Variants in PTPRQ observed in about 807,000 individuals in gnomAD.
The protein encoded by PTPRQ is protein tyrosine phosphatase receptor type Q, also known as phosphatidylinositol phosphatase PTPRQ.
A neutral mutation model predicts 246.0 loss-of-function variants in PTPRQ; 199 were observed. That is an observed-to-expected ratio of 0.81 (90% CI 0.72 to 0.91). The LOEUF is 0.91. Among genes scored for constraint, PTPRQ ranks in the 40% least tolerant of loss-of-function variants. The probability of loss-of-function intolerance (pLI) is 0.00; values close to 1 mark genes in which losing one functional copy is unlikely to be tolerated. For synonymous variants in PTPRQ, 869 were observed against 853.2 expected, an observed-to-expected ratio of 1.02 and a Z score of -0.32; for missense variants, 2,624 against 2,528.4, an observed-to-expected ratio of 1.04 and a Z score of -0.81.
intron 22 of PTPRQ, 114 bp downstream of exon 22, chr12:80,542,478 C>T (rs1252437377): frequency 4.3e-6 from 6 of 1,391,434 alleles, no homozygotes; most frequent in Non-Finnish European, 5.7e-6. Context: ...TTGTAACAGC[C>T]TTACCATTAT....
At chr12:80,522,776 T>G (rs192309597) in intron 17 of PTPRQ, among the ~76,000 whole-genome samples, 7 of 152,348 alleles carry the variant, frequency 4.6e-5, no homozygotes, top group African/African-American at 1.7e-4. Context: ...AGTATTTTAT[T>G]GAGGATTTTT....
chr12:80,600,545 G>A (rs1898108495), intron 26 of PTPRQ, among the ~76,000 whole-genome samples: 1 of 151,616 alleles, frequency 6.6e-6, no homozygotes, highest in South Asian at 2.1e-4. Flanking sequence ...TTTCTTAGCC[G>A]CAGAAAATTC....
intron 35 of PTPRQ, 135 bp downstream of exon 35, chr12:80,635,208 C>A: frequency 2.2e-6 from 3 of 1,335,430 alleles, no homozygotes; most frequent in Non-Finnish European, 2.0e-6. Flanking sequence ...AAAGAGTGAC[C>A]TCCGTCTTCT....
intron 24 of PTPRQ, among the ~76,000 whole-genome samples, chr12:80,547,876 A>T (rs1455502710): frequency 3.3e-5 from 5 of 152,138 alleles, no homozygotes; most frequent in Non-Finnish European, 7.4e-5. Context: ...TGTTGCCCCC[A>T]TTCCCATGTT....
intron 26 of PTPRQ, among the ~76,000 whole-genome samples, chr12:80,592,748 G>A (rs954920505): frequency 2.0e-5 from 3 of 152,126 alleles, no homozygotes; most frequent in Admixed American, 6.5e-5. Context: ...GGTGGCTCAT[G>A]CCTGTAATCC....
chr12:80,476,984 T>A (rs1474199483), intron 8 of PTPRQ, among the ~76,000 whole-genome samples: 1 of 152,166 alleles, frequency 6.6e-6, no homozygotes, highest in Non-Finnish European at 1.5e-5. Context: ...AATCACAAGT[T>A]GAACTGTAAA....
intron 29 of PTPRQ, among the ~76,000 whole-genome samples, chr12:80,614,551 A>G (rs1328696583): frequency 6.6e-6 from 1 of 150,950 alleles, no homozygotes; most frequent in Non-Finnish European, 1.5e-5. Context: ...TTGTATATGT[A>G]TATGTGTATA....
In PTPRQ at chr12:80,679,628, A is replaced by G. The variant is rs1901253803; in HGVS notation, c.*605A>G. The G allele has an allele frequency of 6.6e-6, 1 of 152,048 alleles. No individual in the cohort carries two copies. The highest frequency in any genetic ancestry group is 1.5e-5 in the Non-Finnish European group (1 of 67,978). The allele number at this position is 152,048 out of a possible 1,614,324, so 9.4% of individuals were successfully genotyped here. ...TAGCTCTTCAGGGACACTTAGGGCT[A>G]TTTAATTTGCATTGTGATCTTCAGT... On this transcript the variant is annotated 3_prime_UTR_variant, in exon 45 of 45. Coordinates refer to ENST00000644991, the MANE Select transcript of PTPRQ (RefSeq NM_001145026.2).
chr12:80,580,900 C>T (rs907069052), intron 25 of PTPRQ, among the ~76,000 whole-genome samples: 1 of 152,140 alleles, frequency 6.6e-6, no homozygotes, highest in African/African-American at 2.4e-5. Context: ...ATAACTCTTG[C>T]CTGGATTTAG....
In PTPRQ at chr12:80,550,358, T is replaced by C. The variant is rs79186187; in HGVS notation, c.4285+624T>C. Among the ~76,000 whole-genome samples the C allele has an allele frequency of 1.2e-4, 19 of 152,270 alleles. No homozygotes were observed. The East Asian group carries it at 3.5e-3, about 28-fold the overall frequency. On this transcript the variant is annotated intron_variant, in intron 25 of 44. Coordinates refer to ENST00000644991, the MANE Select transcript of PTPRQ (RefSeq NM_001145026.2). ...CCTGATAACACCACTTCACTGTAGA[T>C]ATTGGCAATAATTGTTAACTTCTGG...
intron 25 of PTPRQ, among the ~76,000 whole-genome samples, chr12:80,586,209 A>G (rs1265923044): frequency 6.6e-6 from 1 of 152,068 alleles, no homozygotes; most frequent in Non-Finnish European, 1.5e-5. Context: ...GAAAAAAACA[A>G]ACAACCCCAT....
chr12:80,454,833 T>C (rs965554857), intron 3 of PTPRQ, among the ~76,000 whole-genome samples: 5 of 152,190 alleles, frequency 3.3e-5, no homozygotes, highest in African/African-American at 1.2e-4. Flanking sequence ...ATTATTTAAT[T>C]CAAACTTAAT....
chr12:80,458,672 G>T (rs1210695794), intron 4 of PTPRQ, among the ~76,000 whole-genome samples: 2 of 151,612 alleles, frequency 1.3e-5, no homozygotes, highest in Non-Finnish European at 1.5e-5. Flanking sequence ...AGGTTAATGG[G>T]AATAATTTCC....
rs139576533 is a variant in PTPRQ at position 80,515,919 on chromosome 12, T to C, written c.2678+5476T>C. The stretch of plus-strand genomic sequence containing the variant: ...TCACATTTGATTTGTAGATGGTATG[T>C]TCAGAAATCTGTTTTAATCCATTGC... On this transcript the variant is annotated intron_variant, in intron 17 of 44. Transcript: ENST00000644991. Among the ~76,000 whole-genome samples the C allele has an allele frequency of 1.9e-3, 288 of 152,308 alleles. 2 individuals carry two copies. The highest frequency in any genetic ancestry group is 6.8e-3 in the African/African-American group (281 of 41,560).
intron 25 of PTPRQ, among the ~76,000 whole-genome samples, chr12:80,574,409 G>A (rs1456301595): frequency 2.0e-5 from 3 of 152,046 alleles, no homozygotes; most frequent in African/African-American, 4.8e-5. Flanking sequence ...TTTAAACTTA[G>A]TATTAATTTA....
At chr12:80,518,923 T>A (rs893309876) in intron 17 of PTPRQ, among the ~76,000 whole-genome samples, 3 of 152,124 alleles carry the variant, frequency 2.0e-5, no homozygotes. Flanking sequence ...TTCCTCCAGT[T>A]TTTTCTTTTT....
intron 27 of PTPRQ, 56 bp from the exon 28 acceptor site, chr12:80,610,383 T>C: frequency 7.2e-7 from 1 of 1,394,204 alleles, no homozygotes; most frequent in Non-Finnish European, 9.3e-7. Flanking sequence ...TATTATGTTT[T>C]GGTGACTCAG....
At chr12:80,564,741 A>C (rs1896928590) in intron 25 of PTPRQ, among the ~76,000 whole-genome samples, 1 of 152,170 alleles carries the variant, frequency 6.6e-6, no homozygotes, top group South Asian at 2.1e-4. Flanking sequence ...TCTACAATTA[A>C]TTATTTGCAA....
At position 80,541,538 on chromosome 12, in the gene PTPRQ, C is replaced by T. The variant is rs1324635584; in HGVS notation, c.3155-17C>T. On this transcript the variant is annotated splice_polypyrimidine_tract_variant and intron_variant, in intron 20 of 44. Transcript: ENST00000644991. ...GGTAACTGATGATTTTTGTATTTTG[C>T]CCATTACCTATCATAGTACCTGAAG... 2.8e-6 allele frequency: 4 copies of T among 1,440,328 alleles called. No individual in the cohort carries two copies. Among genetic ancestry groups the T allele is most frequent in the Admixed American group, 2.7e-5 (1 of 36,918 alleles). 89.2% of individuals were successfully genotyped at this position (1,440,328 alleles called of 1,614,324 possible). A position where few individuals can be genotyped will look rare whatever the true frequency, so the allele number is the denominator to read the frequency against.
Sources: allele counts gnomAD v4.1 joint callset (sites outside exome capture counted in the v4.1 genomes callset), GRCh38; gene constraint gnomAD v4.1.1; transcripts MANE v1.5; gene names NCBI Gene and HGNC (gene_info 2026-07-23, HGNC 2026-07-21).